FBP2: variants seen among roughly 807,000 people sequenced by gnomAD.
FBP2 encodes the protein fructose-1,6-bisphosphatase isozyme 2.
Under a neutral mutation model 31.6 loss-of-function variants are expected in FBP2, and 27 were observed. The ratio of observed to expected loss-of-function variants is 0.85; its 90% CI spans 0.63 to 1.18. The LOEUF (loss-of-function observed/expected upper bound fraction) is 1.18. Among genes scored for constraint, FBP2 ranks in the 50% most tolerant of loss-of-function variants. The probability of loss-of-function intolerance (pLI) is 0.00; values close to 1 mark genes in which losing one functional copy is unlikely to be tolerated. For synonymous variants in FBP2, 168 were observed against 179.8 expected (o/e 0.93, Z 0.53); for missense variants, 421 against 436.1 (o/e 0.97, Z 0.31).
rs199965600 is a variant in FBP2 at position 94,587,294 on chromosome 9, C to A, written c.333+13G>T. ...ATCTACTGGCGAGCGGGCACCGCAG[C>A]CCCATGACGCACCCGCTTCTCCTTG... On this transcript the variant is annotated intron_variant, in intron 2 of 6. Transcript: ENST00000375337. The A allele has an allele frequency of 1.1e-5, 17 of 1,604,114 alleles. No homozygotes were observed. Among genetic ancestry groups the A allele is most frequent in the African/African-American group, 2.7e-5 (2 of 74,160 alleles).
chr9:94,571,266 C>G (rs1564183274), intron 4 of FBP2, among the ~76,000 whole-genome samples, 196 bp downstream of exon 4: 1 of 152,284 alleles, frequency 6.6e-6, no homozygotes, highest in South Asian at 2.1e-4. Context: ...CACTCCTCCC[C>G]CCGAGTGCCC....
intron 3 of FBP2, among the ~76,000 whole-genome samples, chr9:94,571,960 C>T (rs1266695056): frequency 1.3e-5 from 2 of 152,114 alleles, no homozygotes; most frequent in Non-Finnish European, 2.9e-5. Flanking sequence ...CAGTGTCTCA[C>T]TCTGCACACT....
intron 4 of FBP2, chr9:94,568,179 A>G (rs992017039): frequency 2.6e-5 from 4 of 152,114 alleles, no homozygotes; most frequent in Admixed American, 1.3e-4. Flanking sequence ...TAGTGATTCA[A>G]TCATAGAAAC....
chr9:94,574,088 G>A (rs1827294549), intron 3 of FBP2, among the ~76,000 whole-genome samples: 1 of 152,152 alleles, frequency 6.6e-6, no homozygotes, highest in East Asian at 1.9e-4. Flanking sequence ...TGCATGTGGA[G>A]TTGTTTCTAA....
Position 94,593,810 on chromosome 9 carries a change from C to T in FBP2, c.-84G>A. ...GGCTGCAGCTCCGCAGTGTGGAAGC[C>T]GATAAGAAATCTGTGCTGGCCCTGC... On this transcript the variant is annotated 5_prime_UTR_variant, in exon 1 of 7. Transcript: ENST00000375337. 8 of 1,477,874 alleles carry T rather than the reference C, an allele frequency of 5.4e-6. 1 individual carries two copies. The highest frequency in any genetic ancestry group is 5.1e-5 in the South Asian group (4 of 78,290). The allele number at this position is 1,477,874 out of a possible 1,614,324, so 91.5% of individuals were successfully genotyped here. A position where few individuals can be genotyped will look rare whatever the true frequency, so the allele number is the denominator to read the frequency against.
Position 94,561,943 on chromosome 9 carries a change from T to C in FBP2, c.825+1399A>G, listed in dbSNP as rs539695184. Among the ~76,000 whole-genome samples the C allele has an allele frequency of 2.6e-5, 4 of 152,280 alleles. No homozygotes were observed. In the South Asian group the frequency reaches 8.3e-4, roughly 32 times the overall value. ...TATTTTCTGACTCATTTACGATCAT[T>C]TGAATAATTAGTAATAACTGATCTT... On this transcript the variant is annotated intron_variant, in intron 6 of 6. Coordinates refer to ENST00000375337, the MANE Select transcript of FBP2 (RefSeq NM_003837.4).
At chr9:94,579,626 C>G (rs143232713) in intron 3 of FBP2, among the ~76,000 whole-genome samples, 277 of 152,178 alleles carry the variant, frequency 1.8e-3, no homozygotes, top group African/African-American at 6.3e-3. Flanking sequence ...ATGTTTAAAG[C>G]AAGGTTGTCT....
In FBP2 at chr9:94,561,352, A is replaced by ATT. The variant is rs1174386595; in HGVS notation, c.825+1988_825+1989dup. Among the ~76,000 whole-genome samples the ATT allele has an allele frequency of 3.3e-4, 18 of 54,992 alleles. 2 individuals are homozygous for ATT. The East Asian group carries it at 5.1e-3, about 16-fold the overall frequency. 36.1% of individuals were successfully genotyped at this position (54,992 alleles called of 152,430 possible). A position where few individuals can be genotyped will look rare whatever the true frequency, so the allele number is the denominator to read the frequency against. On this transcript the variant is annotated intron_variant, in intron 6 of 6. Transcript: ENST00000375337. Reference sequence around the variant, plus strand: ...GCAGGCCATGTGACATGTGACCTGTATTTTTTTTTTTTTTTTTTTTTTTTT... The same window carrying ATT: ...GCAGGCCATGTGACATGTGACCTGTATTTTTTTTTTTTTTTTTTTTTTTTTTT...
chr9:94,563,951 A>C (rs998260001), intron 5 of FBP2, among the ~76,000 whole-genome samples: 1 of 152,212 alleles, frequency 6.6e-6, no homozygotes, highest in Non-Finnish European at 1.5e-5. Context: ...TATCCTAAAT[A>C]ATATGCACCT....
intron 6 of FBP2, among the ~76,000 whole-genome samples, chr9:94,559,503 G>C (rs149672830): frequency 6.7e-6 from 1 of 150,196 alleles, no homozygotes; most frequent in African/African-American, 2.5e-5. Context: ...CTTTATATGT[G>C]AGACCTCAAG....
chr9:94,572,473 G>A (rs749289801), intron 3 of FBP2, among the ~76,000 whole-genome samples: 4 of 152,284 alleles, frequency 2.6e-5, no homozygotes, highest in Admixed American at 6.5e-5. Context: ...AAACCCGAAT[G>A]TTCTTGCCTC....
intron 5 of FBP2, among the ~76,000 whole-genome samples, chr9:94,565,385 A>AAAGAG (rs773350863): frequency 1.5e-5 from 2 of 134,914 alleles, no homozygotes; most frequent in Admixed American, 1.6e-4. Flanking sequence ...AAAAAAAAAA[A>AAAGAG]AGATGTTCCC....
In FBP2 at chr9:94,587,435, C is replaced by G. The variant is rs138288724; in HGVS notation, c.205G>C (p.Asp69His). ...AGCACATCCAGTTTCTTCACCTCAT[C>G]TCCCGTCACGTTAACGCTTCCTGCG... ...GIAGSVNVTG[D>H]EVKKLDVLSN... Residue 69 changes from aspartate to histidine, a missense_variant, in exon 2 of 7, where the codon GAT (aspartate) becomes CAT (histidine). Physicochemically the swap from Asp to His is moderately conservative, Grantham distance 81 (BLOSUM62 -1). Coordinates refer to ENST00000375337, the MANE Select transcript of FBP2 (RefSeq NM_003837.4). 66 of 1,614,018 alleles carry G rather than the reference C, an allele frequency of 4.1e-5. No individual in the cohort carries two copies. The highest frequency in any genetic ancestry group is 5.6e-5 in the Non-Finnish European group (66 of 1,180,028).
rs1369426705 is a variant in FBP2 at position 94,563,505 on chromosome 9, G to A, written c.706-44C>T. 5.0e-6 allele frequency: 8 copies of A among 1,595,054 alleles called. No homozygotes were observed. In the East Asian group the frequency reaches 1.6e-4, roughly 31 times the overall value. ...AGAGACAAGATCCAGTGGCTTTCAG[G>A]ATTAGCCAGCACCTGCTCGTGGTCA... On this transcript the variant is annotated intron_variant, in intron 5 of 6. Coordinates refer to ENST00000375337, the MANE Select transcript of FBP2 (RefSeq NM_003837.4).
At chr9:94,573,081 G>T (rs1827285206) in intron 3 of FBP2, 1 of 152,148 alleles carries the variant, frequency 6.6e-6, no homozygotes. Context: ...TTGCCTTATT[G>T]TGCTGGCTAC....
At chr9:94,587,949 C>A (rs539489717) in intron 1 of FBP2, among the ~76,000 whole-genome samples, 29 of 152,232 alleles carry the variant, frequency 1.9e-4, no homozygotes, top group Middle Eastern at 3.4e-3. Flanking sequence ...CCTGGGCTCA[C>A]GCCGTTCTCC....
chr9:94,564,658 G>A (rs10821369), intron 5 of FBP2, among the ~76,000 whole-genome samples: 2 of 151,890 alleles, frequency 1.3e-5, no homozygotes, highest in South Asian at 2.1e-4. Flanking sequence ...TGGGGCCTAC[G>A]TGAGGGTGGA....
At chr9:94,564,116 C>CT (rs1471394423) in intron 5 of FBP2, among the ~76,000 whole-genome samples, 1 of 152,204 alleles carries the variant, frequency 6.6e-6, no homozygotes, top group Non-Finnish European at 1.5e-5. Context: ...CTCGAATCAA[C>CT]ACTAGACCAA....
intron 1 of FBP2, among the ~76,000 whole-genome samples, chr9:94,590,874 C>G (rs575091243): frequency 3.3e-5 from 5 of 152,208 alleles, no homozygotes; most frequent in Non-Finnish European, 7.3e-5. Flanking sequence ...CAAAGGTTCT[C>G]CACGTCCCCA....
Sources: allele counts gnomAD v4.1 joint callset (sites outside exome capture counted in the v4.1 genomes callset), GRCh38; gene constraint gnomAD v4.1.1; transcripts MANE v1.5; gene names NCBI Gene and HGNC (gene_info 2026-07-23, HGNC 2026-07-21).